Variants in PICALM observed in about 807,000 individuals in gnomAD.
PICALM encodes phosphatidylinositol-binding clathrin assembly protein.
A neutral mutation model predicts 80.5 loss-of-function variants in PICALM; 40 were observed. That is an observed-to-expected ratio of 0.50 (90% CI 0.39 to 0.65). The LOEUF (loss-of-function observed/expected upper bound fraction) is 0.65. Ranked by LOEUF, PICALM falls within the 30% of genes least tolerant of loss-of-function variation. PICALM has a pLI of 0.00. For synonymous variants in PICALM, 288 were observed against 260.3 expected (o/e 1.11, Z -1.02); for missense variants, 676 against 778.9 (o/e 0.87, Z 1.57).
chr11:85,996,912 T>A lies in PICALM; in HGVS notation c.1172A>T (p.Asn391Ile). ...SSSNSTSKLP[N>I]DLLDLQQPTF... Reference sequence around the variant, plus strand: ...TGGCTGCTGCAAATCAAGCAGATCATTGGGCAGCTTTGATGTGCTAGAAAG... The same window carrying A: ...TGGCTGCTGCAAATCAAGCAGATCAATGGGCAGCTTTGATGTGCTAGAAAG... Residue 391 changes from asparagine (N) to isoleucine (I), a missense_variant, in exon 12 of 20, where the codon AAT becomes ATT. Asn to Ile is a moderately radical substitution (Grantham distance 149). Around this residue, in one of 2 missense-constraint regions of PICALM, gnomAD observed 391 missense variants for 383.6 expected, o/e 1.02. Coordinates refer to ENST00000393346, the MANE Select transcript of PICALM (RefSeq NM_007166.4). The A allele has an allele frequency of 6.2e-7, 1 of 1,611,792 alleles. No individual in the cohort carries two copies. The highest frequency in any genetic ancestry group is 1.1e-5 in the South Asian group (1 of 90,858).
intron 19 of PICALM, chr11:85,969,705 C>G (rs766408764): frequency 4.5e-5 from 18 of 402,950 alleles, no homozygotes; most frequent in Non-Finnish European, 7.4e-5. Flanking sequence ...TTTTAAAAAA[C>G]AGACAGTCTC....
At chr11:86,041,586 T>A (rs2095970002) in intron 1 of PICALM, among the ~76,000 whole-genome samples, 1 of 152,206 alleles carries the variant, frequency 6.6e-6, no homozygotes, top group African/African-American at 2.4e-5. Context: ...AGCAAACTCC[T>A]AAGATACTAT....
At chr11:85,998,332 C>A (rs1178769532) in intron 11 of PICALM, among the ~76,000 whole-genome samples, 3 of 148,404 alleles carry the variant, frequency 2.0e-5, no homozygotes, top group Admixed American at 6.7e-5. Flanking sequence ...AGGATGGTCT[C>A]GATCTCCTGA....
At chr11:86,020,029 C>G (rs760120321) in intron 4 of PICALM, among the ~76,000 whole-genome samples, 2 of 152,032 alleles carry the variant, frequency 1.3e-5, no homozygotes, top group African/African-American at 4.8e-5. Flanking sequence ...CTCCTGAGGC[C>G]TCATCCTATA....
chr11:86,022,509 A>C (rs1290674912), intron 3 of PICALM, 40 bp from the exon 4 acceptor site: 3 of 1,098,758 alleles, frequency 2.7e-6, no homozygotes, highest in Non-Finnish European at 3.9e-6. Context: ...AAAGAGAGAG[A>C]CAAGTTTTTA....
chr11:86,014,663 A>G (rs988070087), intron 5 of PICALM, among the ~76,000 whole-genome samples: 2 of 152,194 alleles, frequency 1.3e-5, no homozygotes, highest in Non-Finnish European at 2.9e-5. Flanking sequence ...AAAATTCTAG[A>G]GCTAGAGAAG....
chr11:85,996,927 G>A lies in PICALM; in HGVS notation c.1157C>T (p.Thr386Ile). The change falls in exon 12 of 20, where the codon ACA becomes ATA. Residue 386 changes from threonine to isoleucine, a missense_variant and splice_region_variant. Physicochemically the swap from Thr to Ile is moderately conservative, Grantham distance 89. Around this residue, in one of 2 missense-constraint regions of PICALM, gnomAD observed 391 missense variants for 383.6 expected, o/e 1.02. Coordinates refer to ENST00000393346, the MANE Select transcript of PICALM (RefSeq NM_007166.4). ...AAGCAGATCATTGGGCAGCTTTGAT[G>A]TGCTAGAAAGATATTTTGGAAACGT... ...IFSTPSSSNS[T>I]SKLPNDLLDL... 1 of 1,603,966 alleles carries A rather than the reference G, an allele frequency of 6.2e-7. No individual in the cohort carries two copies. Among genetic ancestry groups the A allele is most frequent in the South Asian group, 1.1e-5 (1 of 89,982 alleles).
At chr11:86,042,855 C>T (rs2137091496) in intron 1 of PICALM, among the ~76,000 whole-genome samples, 1 of 152,074 alleles carries the variant, frequency 6.6e-6, no homozygotes, top group East Asian at 1.9e-4. Flanking sequence ...AAACCAACAA[C>T]TGAGAGGCTC....
At chr11:85,971,518 T>C (rs2094111687) in intron 19 of PICALM, among the ~76,000 whole-genome samples, 1 of 151,792 alleles carries the variant, frequency 6.6e-6, no homozygotes, top group African/African-American at 2.4e-5. Context: ...GATGAACTGC[T>C]AGAGCTCAGG....
intron 8 of PICALM, among the ~76,000 whole-genome samples, chr11:86,004,261 T>C (rs539095695): frequency 6.6e-6 from 1 of 152,294 alleles, no homozygotes; most frequent in Admixed American, 6.5e-5. Flanking sequence ...AATGGTATAT[T>C]CAACAACATA....
chr11:86,009,409 G>C lies in PICALM; in HGVS notation c.765+1621C>G, dbSNP rs1179233259. ...AGAAGGGGGCTTACAACTTAAGTTT[G>C]GGCGGGATGCCATGGCTCACGCCTG... is the stretch of plus-strand genomic sequence containing the variant. On this transcript the variant is annotated intron_variant, in intron 7 of 19. Coordinates refer to ENST00000393346, the MANE Select transcript of PICALM (RefSeq NM_007166.4). Among the ~76,000 whole-genome samples, 8 of 151,404 alleles carry C rather than the reference G, an allele frequency of 5.3e-5. No homozygotes were observed. In the South Asian group the frequency reaches 1.5e-3, roughly 28 times the overall value.
intron 4 of PICALM, 89 bp downstream of exon 4, chr11:86,022,277 TA>T: frequency 2.7e-6 from 2 of 732,592 alleles, no homozygotes; most frequent in Non-Finnish European, 4.5e-6. Context: ...TAAAACTGGC[TA>T]AAATTTCATA....
At chr11:85,983,839 A>G in intron 14 of PICALM, 27 bp downstream of exon 14, 1 of 921,682 alleles carries the variant, frequency 1.1e-6, no homozygotes, top group South Asian at 1.5e-5. Flanking sequence ...ACATTATAAT[A>G]TTTTTAATAA....
intron 1 of PICALM, among the ~76,000 whole-genome samples, chr11:86,053,395 T>A (rs9804530): frequency 0.03 from 4,568 of 152,278 alleles, 241 homozygotes; most frequent in African/African-American, 0.1. Context: ...TGTCTATAAA[T>A]CCTGACTATC....
At chr11:86,042,079 T>C (rs2095980899) in intron 1 of PICALM, among the ~76,000 whole-genome samples, 1 of 152,220 alleles carries the variant, frequency 6.6e-6, no homozygotes. Context: ...TACCACTAGA[T>C]GGCAGACTGT....
intron 9 of PICALM, among the ~76,000 whole-genome samples, chr11:86,003,021 A>G (rs1035358218): frequency 1.3e-5 from 2 of 151,456 alleles, no homozygotes; most frequent in South Asian, 2.1e-4. Context: ...CGGGGGAAGA[A>G]AAAAAAAATG....
chr11:86,041,480 G>A (rs2095966632), intron 1 of PICALM, among the ~76,000 whole-genome samples: 1 of 152,102 alleles, frequency 6.6e-6, no homozygotes, highest in Non-Finnish European at 1.5e-5. Flanking sequence ...GGCAGAGAAA[G>A]GACTGACATC....
At chr11:85,968,104 T>A (rs1176466420) in intron 19 of PICALM, among the ~76,000 whole-genome samples, 1 of 151,936 alleles carries the variant, frequency 6.6e-6, no homozygotes, top group Non-Finnish European at 1.5e-5. Context: ...GAAGCCAAGG[T>A]GGGAGGACTG....
chr11:86,025,924 T>C (rs2095642869), intron 3 of PICALM, among the ~76,000 whole-genome samples: 1 of 152,148 alleles, frequency 6.6e-6, no homozygotes, highest in East Asian at 1.9e-4. Context: ...CTAGGTTAAG[T>C]CTCATGACAA....
Sources: gnomAD v4.1 joint callset for allele counts (sites outside exome capture counted in the v4.1 genomes callset) on GRCh38, gnomAD v4.1.1 for gene constraint, gnomAD v4.1.1 regional missense constraint, MANE v1.5 for transcripts, NCBI Gene and HGNC (gene_info 2026-07-23, HGNC 2026-07-21) for gene names.